The following TMEM37 variants were observed in gnomAD, a reference collection of about 807,000 sequenced individuals.
TMEM37 encodes voltage-dependent calcium channel gamma-like subunit.
In TMEM37, 12 loss-of-function variants were observed where a neutral mutation model predicts 11.0. That is an observed-to-expected ratio of 1.09 (90% CI 0.70 to 1.76). The LOEUF (loss-of-function observed/expected upper bound fraction) is 1.76. Ranked by LOEUF, TMEM37 falls within the 40% of genes most tolerant of loss-of-function variation. The probability of loss-of-function intolerance (pLI) is 0.00; values close to 1 mark genes in which losing one functional copy is unlikely to be tolerated. For missense variants in TMEM37, 203 were observed against 251.2 expected, an observed-to-expected ratio of 0.81 and a Z score of 1.30; for synonymous variants, 127 against 110.5, an observed-to-expected ratio of 1.15 and a Z score of -0.94.
chr2:119,436,655 G>T (rs1450490696), intron 1 of TMEM37, among the ~76,000 whole-genome samples: 1 of 152,156 alleles, frequency 6.6e-6, no homozygotes, highest in Non-Finnish European at 1.5e-5. Flanking sequence ...AGAAAGAAAG[G>T]TCAGGAAGCT....
chr2:119,433,800 A>G (rs1410520344), intron 1 of TMEM37, among the ~76,000 whole-genome samples: 3 of 152,106 alleles, frequency 2.0e-5, no homozygotes, highest in Non-Finnish European at 2.9e-5. Flanking sequence ...TCCACTGCAC[A>G]CTTGTCCAGC....
At chr2:119,432,272 C>A in intron 1 of TMEM37, 1 of 247,650 alleles carries the variant, frequency 4.0e-6, no homozygotes, top group Non-Finnish European at 7.7e-6. Context: ...ATAAGGGTCC[C>A]CCTTTGTGAG....
chr2:119,431,666 C>A (rs1300079262), upstream of TMEM37, among the ~76,000 whole-genome samples: 1 of 152,252 alleles, frequency 6.6e-6, no homozygotes, highest in Non-Finnish European at 1.5e-5. Context: ...GGGTCCTCCC[C>A]GCGGCTCCCC....
At position 119,436,917 on chromosome 2, in the gene TMEM37, CCCGCCGGT is replaced by C; in HGVS notation, c.53_60del (p.Arg18LeufsTer3). On this transcript the variant is annotated frameshift_variant, in exon 2 of 2. Transcript: ENST00000306406. LOFTEE classifies it low-confidence loss of function (END_TRUNC). Reference sequence around the variant, plus strand: ...CAGAGGCCTTTGGGCCAAAGGCAGCCCCGCCGGTCCTTCTTTGAATCCTTCATCCGGAC... The same window carrying C: ...CAGAGGCCTTTGGGCCAAAGGCAGCCCCTTCTTTGAATCCTTCATCCGGAC... 6.2e-7 allele frequency: 1 copy of C among 1,613,992 alleles called. No homozygotes were observed. The highest frequency in any genetic ancestry group is 8.5e-7 in the Non-Finnish European group (1 of 1,179,934).
chr2:119,434,546 G>A (rs1191437541), intron 1 of TMEM37, among the ~76,000 whole-genome samples: 1 of 151,918 alleles, frequency 6.6e-6, no homozygotes, highest in Non-Finnish European at 1.5e-5. Context: ...AGTGAGGAAG[G>A]GGATGCAGAG....
chr2:119,435,472 C>G (rs1210020936), intron 1 of TMEM37, among the ~76,000 whole-genome samples: 1 of 152,232 alleles, frequency 6.6e-6, no homozygotes, highest in Non-Finnish European at 1.5e-5. Flanking sequence ...GTAACCTGGG[C>G]AGCTTCTAGA....
At chr2:119,431,800 T>A, upstream of TMEM37, 3 of 858,358 alleles carry the variant, frequency 3.5e-6, no homozygotes, top group South Asian at 1.1e-4. Flanking sequence ...CCCGCCCGCC[T>A]CCAGCAGCCG....
At chr2:119,434,776 G>A (rs572732654) in intron 1 of TMEM37, among the ~76,000 whole-genome samples, 1 of 152,284 alleles carries the variant, frequency 6.6e-6, no homozygotes, top group South Asian at 2.1e-4. Context: ...AGAGGGCATG[G>A]GGCACAGGGA....
chr2:119,436,816 G>A, intron 1 of TMEM37, 73 bp from the exon 2 acceptor site: 1 of 1,248,000 alleles, frequency 8.0e-7, no homozygotes, highest in Non-Finnish European at 1.1e-6. Flanking sequence ...GGGCTCAGGG[G>A]TCTTCCCTGC....
intron 1 of TMEM37, among the ~76,000 whole-genome samples, chr2:119,436,642 A>G (rs1355546394): frequency 5.3e-5 from 8 of 152,146 alleles, no homozygotes; most frequent in African/African-American, 1.7e-4. Flanking sequence ...TGAAGATCAC[A>G]AAAGAAAGAA....
At chr2:119,431,979 TG>T (rs1003118647) in intron 1 of TMEM37, 55 bp downstream of exon 1, 1 of 948,948 alleles carries the variant, frequency 1.1e-6, no homozygotes. Flanking sequence ...CGTGGGAGGT[TG>T]GGGGTGGGAG....
chr2:119,436,731 C>A (rs937336458), intron 1 of TMEM37, among the ~76,000 whole-genome samples, 158 bp from the exon 2 acceptor site: 6 of 152,130 alleles, frequency 3.9e-5, no homozygotes, highest in Admixed American at 6.5e-5. Flanking sequence ...GGGTTCCCCC[C>A]AAACGGTGGG....
chr2:119,435,257 TGCTGGGCTCTTTGA>T (rs199970031), intron 1 of TMEM37, among the ~76,000 whole-genome samples: 21,979 of 152,228 alleles, frequency 0.14, 1,774 homozygotes, highest in East Asian at 0.31. Flanking sequence ...CAGATACTCT[TGCTGGGCTCTTTGA>T]CCACAGGAGT....
upstream of TMEM37, chr2:119,431,795 C>A: frequency 1.1e-6 from 1 of 935,292 alleles, no homozygotes; most frequent in Non-Finnish European, 1.4e-6. Flanking sequence ...CCCGCCCCGC[C>A]CGCCTCCAGC....
intron 1 of TMEM37, 130 bp downstream of exon 1, chr2:119,432,054 G>A (rs1176030013): frequency 3.4e-6 from 2 of 583,604 alleles, no homozygotes; most frequent in East Asian, 3.7e-5. Context: ...AGCGCCCCCC[G>A]TGCCCGCCCC....
At chr2:119,430,828 G>A (rs977938826), upstream of TMEM37, among the ~76,000 whole-genome samples, 8 of 152,152 alleles carry the variant, frequency 5.3e-5, no homozygotes, top group Admixed American at 2.6e-4. Flanking sequence ...AAGCTTTTAG[G>A]TGCTGCCTCT....
upstream of TMEM37, among the ~76,000 whole-genome samples, chr2:119,430,963 C>A (rs1280094391): frequency 6.6e-6 from 1 of 152,010 alleles, no homozygotes; most frequent in Non-Finnish European, 1.5e-5. Flanking sequence ...ATGGTGAAAC[C>A]CCCGTCTCTG....
upstream of TMEM37, chr2:119,431,826 G>A: frequency 8.4e-7 from 1 of 1,191,820 alleles, no homozygotes; most frequent in Non-Finnish European, 1.0e-6. Context: ...CCCCTGCGGA[G>A]AAGTCCCGGG....
At chr2:119,430,504 G>A (rs75598794), upstream of TMEM37, 4,445 of 464,202 alleles carry the variant, frequency 9.6e-3, 161 homozygotes, top group African/African-American at 0.08. Flanking sequence ...TCCAGGACTG[G>A]GGTAAAGGAT....
Sources: allele counts gnomAD v4.1 joint callset (sites outside exome capture counted in the v4.1 genomes callset), GRCh38; gene constraint gnomAD v4.1.1; transcripts MANE v1.5; gene names NCBI Gene and HGNC (gene_info 2026-07-23, HGNC 2026-07-21).